The following SIK2 variants were observed in gnomAD, a reference collection of about 807,000 sequenced individuals.
SIK2 encodes serine/threonine-protein kinase SIK2.
A neutral mutation model predicts 103.2 loss-of-function variants in SIK2; 29 were observed. The ratio of observed to expected loss-of-function variants is 0.28; its 90% CI spans 0.21 to 0.38. SIK2 has a LOEUF of 0.38. Among genes scored for constraint, SIK2 ranks in the 10% least tolerant of loss-of-function variants. The probability of loss-of-function intolerance (pLI) is 1.00; values close to 1 mark genes in which losing one functional copy is unlikely to be tolerated. For missense variants in SIK2, 879 were observed against 1,171.0 expected, an observed-to-expected ratio of 0.75 and a Z score of 3.64; for synonymous variants, 412 against 446.1, an observed-to-expected ratio of 0.92 and a Z score of 0.96.
In SIK2 at chr11:111,727,206, C is replaced by T. The variant is rs1051199867; in HGVS notation, c.*3077C>T. On this transcript the variant is annotated 3_prime_UTR_variant, in exon 15 of 15. Transcript: ENST00000304987. The stretch of plus-strand genomic sequence containing the variant: ...GGAAAAGGAGGCTGATGGTTCTCTA[C>T]ACCATCCACCTTGAGAATCCCTGCG... The T allele has an allele frequency of 6.0e-6, 4 of 663,888 alleles. No homozygotes were observed. Among genetic ancestry groups the T allele is most frequent in the Non-Finnish European group, 1.1e-5 (4 of 375,546 alleles). The allele number at this position is 663,888 out of a possible 1,614,324, so 41.1% of individuals were successfully genotyped here.
At chr11:111,626,120 C>CTGAT (rs1330367909) in intron 3 of SIK2, among the ~76,000 whole-genome samples, 1 of 152,152 alleles carries the variant, frequency 6.6e-6, no homozygotes, top group Non-Finnish European at 1.5e-5. Flanking sequence ...AAAGAAGAAT[C>CTGAT]TGATGTCCAC....
rs1943318947 is a variant in SIK2 at position 111,705,310 on chromosome 11, T to G, written c.1101+171T>G. On this transcript the variant is annotated intron_variant, in intron 8 of 14. Transcript: ENST00000304987. This position sits in a 1 kb window ranked among gnomAD's most constrained non-coding sequence, Gnocchi z 4.3. ...CAAATGTTTTAGCACTTCCTCATTT[T>G]TAAGGGTTAACTTTATTTCAAACAG... is the stretch of plus-strand genomic sequence containing the variant. Among the ~76,000 whole-genome samples the G allele has an allele frequency of 6.6e-6, 1 of 152,254 alleles. No homozygotes were observed. The highest frequency in any genetic ancestry group is 2.4e-5 in the African/African-American group (1 of 41,464).
rs1943842221 is a variant in SIK2, at chr11:111,722,783, G to C, written c.2147+27G>C. The C allele has an allele frequency of 6.2e-7, 1 of 1,604,938 alleles. No homozygotes were observed. The highest frequency in any genetic ancestry group is 1.3e-5 in the African/African-American group (1 of 74,586). On this transcript the variant is annotated intron_variant, in intron 14 of 14. Transcript: ENST00000304987. The surrounding 1 kb of genome is among the most constrained non-coding windows in gnomAD (Gnocchi z 4.4). ...TGAGAAGGGGACTTTGGCCAAAGAA[G>C]TTGCTTCCTTTTCTGGAAGCCTTGA...
At chr11:111,697,624 T>G (rs567552280) in intron 4 of SIK2, among the ~76,000 whole-genome samples, 2 of 152,232 alleles carry the variant, frequency 1.3e-5, no homozygotes, top group South Asian at 4.2e-4. Context: ...GCATAGCTAA[T>G]AGAAAACCCA....
chr11:111,674,631 C>T (rs1271784631), intron 3 of SIK2, among the ~76,000 whole-genome samples: 1 of 152,110 alleles, frequency 6.6e-6, no homozygotes, highest in Non-Finnish European at 1.5e-5. Context: ...ATACCACAAT[C>T]GTAAATTGTG....
chr11:111,703,475 T>C (rs940262003), intron 7 of SIK2, 52 bp downstream of exon 7: 1 of 1,521,948 alleles, frequency 6.6e-7, no homozygotes, highest in Non-Finnish European at 9.1e-7. Context: ...ACTTGAAATT[T>C]CATGCTCACA....
intron 3 of SIK2, among the ~76,000 whole-genome samples, chr11:111,628,888 G>A (rs946632068): frequency 2.0e-5 from 3 of 152,036 alleles, no homozygotes; most frequent in African/African-American, 7.3e-5. Flanking sequence ...ATTTTAGAGA[G>A]TCGTATAAAG....
Position 111,724,272 on chromosome 11 carries a change from C to G in SIK2, c.*143C>G, listed in dbSNP as rs1943900111. 1 of 1,223,152 alleles carries G rather than the reference C, an allele frequency of 8.2e-7. No homozygotes were observed. The highest frequency in any genetic ancestry group is 1.1e-6 in the Non-Finnish European group (1 of 904,776). The allele number at this position is 1,223,152 out of a possible 1,614,324, so 75.8% of individuals were successfully genotyped here. A position where few individuals can be genotyped will look rare whatever the true frequency, so the allele number is the denominator to read the frequency against. On this transcript the variant is annotated 3_prime_UTR_variant, in exon 15 of 15. Coordinates refer to ENST00000304987, the MANE Select transcript of SIK2 (RefSeq NM_015191.3). ...AGCCACCCAACTGGAATCAGAGGGT[C>G]TGGCTGGGGTGGATGTTGCTTCCTC...
At position 111,602,534 on chromosome 11, in the gene SIK2, T is replaced by C. The variant is rs755080808; in HGVS notation, c.-30T>C. ...CAACCCTCCCGCCCGCCCGCGCTCC[T>C]GTCCGCCGTGTCTAGCAGCGGGGCC... On this transcript the variant is annotated 5_prime_UTR_variant, in exon 1 of 15. Coordinates refer to ENST00000304987, the MANE Select transcript of SIK2 (RefSeq NM_015191.3). The surrounding 1 kb of genome is among the most constrained non-coding windows in gnomAD (Gnocchi z 4.5). The C allele has an allele frequency of 1.4e-6, 2 of 1,475,132 alleles. No individual in the cohort carries two copies. Among genetic ancestry groups the C allele is most frequent in the Non-Finnish European group, 1.8e-6 (2 of 1,113,374 alleles). 91.4% of individuals were successfully genotyped at this position (1,475,132 alleles called of 1,614,324 possible).
intron 3 of SIK2, among the ~76,000 whole-genome samples, chr11:111,621,927 A>C (rs984334030): frequency 6.6e-6 from 1 of 151,946 alleles, no homozygotes; most frequent in Non-Finnish European, 1.5e-5. Flanking sequence ...AAAAAAAAAA[A>C]ACCTTACATC....
In SIK2 at chr11:111,727,792, C is replaced by T. The variant is rs572470604; in HGVS notation, c.*3663C>T. On this transcript the variant is annotated 3_prime_UTR_variant, in exon 15 of 15. Transcript: ENST00000304987. ...GGTGACAAGCAGCAGCCTGGAGTCA[C>T]AGTTGGTCCCAGGCGTGTGGGCACT... is the stretch of plus-strand genomic sequence containing the variant. 6.6e-6 allele frequency: 1 copy of T among 152,502 alleles called. No individual in the cohort carries two copies. The highest frequency in any genetic ancestry group is 2.1e-4 in the South Asian group (1 of 4,828). 9.4% of individuals were successfully genotyped at this position (152,502 alleles called of 1,614,324 possible).
chr11:111,677,347 G>T (rs1292878028), intron 3 of SIK2, among the ~76,000 whole-genome samples: 1 of 152,154 alleles, frequency 6.6e-6, no homozygotes, highest in Non-Finnish European at 1.5e-5. Context: ...ATCTCATCTT[G>T]TCTGTAAGCC....
chr11:111,664,391 G>A (rs1256845580), intron 3 of SIK2, among the ~76,000 whole-genome samples: 4 of 152,088 alleles, frequency 2.6e-5, no homozygotes, highest in Non-Finnish European at 5.9e-5. Flanking sequence ...CGAGGCGGGC[G>A]GACCACTTGA....
At chr11:111,620,511 GA>G (rs1011190570) in intron 3 of SIK2, 109 bp downstream of exon 3, 58 of 659,124 alleles carry the variant, frequency 8.8e-5, no homozygotes, top group East Asian at 1.4e-4. Flanking sequence ...TAATATAAGT[GA>G]AAAAAAATTA....
intron 3 of SIK2, among the ~76,000 whole-genome samples, chr11:111,633,842 G>A (rs2135850807): frequency 6.6e-6 from 1 of 152,278 alleles, no homozygotes; most frequent in South Asian, 2.1e-4. Context: ...AATATGGAAT[G>A]GCAAATGAAT....
intron 3 of SIK2, among the ~76,000 whole-genome samples, chr11:111,647,095 A>G (rs1770360966): frequency 6.6e-6 from 1 of 152,202 alleles, no homozygotes; most frequent in South Asian, 2.1e-4. Flanking sequence ...AAGTCAATAA[A>G]TACATTCCTA....
chr11:111,606,230 T>C (rs1418648447), intron 1 of SIK2, among the ~76,000 whole-genome samples: 1 of 152,126 alleles, frequency 6.6e-6, no homozygotes, highest in Non-Finnish European at 1.5e-5. Flanking sequence ...TGTTTTTGTA[T>C]TCTATTTAAG....
intron 3 of SIK2, among the ~76,000 whole-genome samples, chr11:111,678,799 G>A (rs1942740327): frequency 6.6e-6 from 1 of 152,138 alleles, no homozygotes; most frequent in Admixed American, 6.5e-5. Context: ...GCTATGTGTG[G>A]GCAGAAGCCA....
intron 8 of SIK2, among the ~76,000 whole-genome samples, chr11:111,710,864 T>G (rs1326225198): frequency 1.3e-5 from 2 of 152,196 alleles, no homozygotes; most frequent in Non-Finnish European, 2.9e-5. Context: ...CCCTTTGATT[T>G]GTTTGAGTTT....
Sources: gnomAD v4.1 joint callset for allele counts (sites outside exome capture counted in the v4.1 genomes callset) on GRCh38, gnomAD v4.1.1 for gene constraint, Gnocchi (gnomAD v3.1) non-coding constraint, MANE v1.5 for transcripts, NCBI Gene and HGNC (gene_info 2026-07-23, HGNC 2026-07-21) for gene names.